The following RALYL variants were observed in gnomAD, a reference collection of about 807,000 sequenced individuals.
RALYL encodes the protein RNA-binding Raly-like protein.
In RALYL, 29 loss-of-function variants were observed where a neutral mutation model predicts 35.1. That is an observed-to-expected ratio of 0.83 (90% CI 0.61 to 1.13). The LOEUF is 1.13. Among genes scored for constraint, RALYL ranks in the 50% most tolerant of loss-of-function variants. The pLI is 0.00. For missense variants in RALYL, 359 were observed against 360.4 expected, an observed-to-expected ratio of 1.00 and a Z score of 0.03; for synonymous variants, 120 against 127.6, an observed-to-expected ratio of 0.94 and a Z score of 0.40.
At chr8:84,624,470 C>A (rs1822287251) in intron 2 of RALYL, among the ~76,000 whole-genome samples, 1 of 152,124 alleles carries the variant, frequency 6.6e-6, no homozygotes, top group Admixed American at 6.5e-5. Flanking sequence ...ATCTTCAATG[C>A]CAGCACCATT....
chr8:84,541,167 T>C (rs1300530153), intron 2 of RALYL, among the ~76,000 whole-genome samples: 3 of 152,060 alleles, frequency 2.0e-5, no homozygotes, highest in African/African-American at 7.2e-5. Context: ...GCCACTCTTT[T>C]CCTAACTTCA....
At chr8:84,623,520 A>G (rs1023512875) in intron 2 of RALYL, among the ~76,000 whole-genome samples, 11 of 152,002 alleles carry the variant, frequency 7.2e-5, no homozygotes, top group African/African-American at 2.2e-4. Flanking sequence ...AAATTTACAT[A>G]CTCTTAATAT....
intron 1 of RALYL, among the ~76,000 whole-genome samples, chr8:84,449,106 A>G (rs1437964046): frequency 4.2e-5 from 6 of 143,414 alleles, no homozygotes; most frequent in South Asian, 2.2e-4. Flanking sequence ...CTGGTGTGCT[A>G]ATTGCAAAGT....
In RALYL at chr8:84,758,187, A is replaced by T. The variant is rs1811876893; in HGVS notation, c.257-16392A>T. Among the ~76,000 whole-genome samples, 3 of 152,204 alleles carry T rather than the reference A, an allele frequency of 2.0e-5. No homozygotes were observed. The South Asian group carries it at 6.2e-4, about 31-fold the overall frequency. ...GAAATGTCAGCTTCTGTAAGTGTGC[A>T]TTCTTATGCTAAAAATATTGGGTAA... On this transcript the variant is annotated intron_variant, in intron 2 of 8. Coordinates refer to ENST00000521268, the MANE Select transcript of RALYL (RefSeq NM_173848.7).
intron 1 of RALYL, among the ~76,000 whole-genome samples, chr8:84,384,148 C>A (rs1858637466): frequency 6.6e-6 from 1 of 151,698 alleles, no homozygotes; most frequent in Non-Finnish European, 1.5e-5. Flanking sequence ...ATTACACAAT[C>A]ACTTTAAACA....
chr8:84,241,160 A>G (rs190656057), intron 1 of RALYL, among the ~76,000 whole-genome samples: 2 of 152,302 alleles, frequency 1.3e-5, no homozygotes, highest in African/African-American at 2.4e-5. Context: ...GTGCACACAC[A>G]CAAGTACCTC....
chr8:84,548,370 G>A (rs2060500002), intron 2 of RALYL, among the ~76,000 whole-genome samples: 1 of 152,028 alleles, frequency 6.6e-6, no homozygotes, highest in Non-Finnish European at 1.5e-5. Context: ...TCATGTCATT[G>A]TAGGGACTTT....
Position 84,194,464 on chromosome 8 carries a change from G to A in RALYL, c.-24+10040G>A, listed in dbSNP as rs902182459. 2.0e-5 allele frequency among the ~76,000 whole-genome samples: 3 copies of A among 152,056 alleles called. No individual in the cohort carries two copies. In the South Asian group the frequency reaches 6.2e-4, roughly 31 times the overall value. ...TGCTTACATTTGAAAAGAATTTTCAGTTACTACAGAAATAAATTCTGCAGT... is the reference window on the plus strand; with the variant it reads ...TGCTTACATTTGAAAAGAATTTTCAATTACTACAGAAATAAATTCTGCAGT... On this transcript the variant is annotated intron_variant, in intron 1 of 8. Transcript: ENST00000521268.
chr8:84,853,838 C>T (rs2042763), intron 5 of RALYL, among the ~76,000 whole-genome samples: 73,292 of 149,324 alleles, frequency 0.49, 18,711 homozygotes, highest in African/African-American at 0.67. Context: ...TTTGTGTTTT[C>T]TTTTTCTCTC....
intron 1 of RALYL, among the ~76,000 whole-genome samples, chr8:84,272,120 T>C (rs1300964868): frequency 5.9e-5 from 9 of 152,038 alleles, no homozygotes; most frequent in Non-Finnish European, 8.8e-5. Context: ...GAGATGGAGT[T>C]TCACTATTGT....
At chr8:84,259,495 C>T (rs965691756) in intron 1 of RALYL, among the ~76,000 whole-genome samples, 2 of 152,056 alleles carry the variant, frequency 1.3e-5, no homozygotes, top group African/African-American at 2.4e-5. Flanking sequence ...AGAAGTTAAG[C>T]GACTTGAACA....
chr8:84,319,474 C>T (rs1310650410), intron 1 of RALYL, among the ~76,000 whole-genome samples: 1 of 152,052 alleles, frequency 6.6e-6, no homozygotes, highest in Non-Finnish European at 1.5e-5. Context: ...AACCTTCTCT[C>T]CTATCAAAAA....
chr8:84,663,333 C>G (rs891567948), intron 2 of RALYL, among the ~76,000 whole-genome samples: 98 of 152,112 alleles, frequency 6.4e-4, no homozygotes, highest in African/African-American at 2.3e-3. Context: ...ATGTATATTC[C>G]TTTATGTATA....
intron 1 of RALYL, among the ~76,000 whole-genome samples, chr8:84,262,736 T>C (rs570120476): frequency 6.6e-6 from 1 of 152,240 alleles, no homozygotes; most frequent in African/African-American, 2.4e-5. Flanking sequence ...ATCAACTTTG[T>C]TGGTTAAACT....
chr8:84,545,790 T>C (rs1263050055), intron 2 of RALYL, among the ~76,000 whole-genome samples: 1 of 152,204 alleles, frequency 6.6e-6, no homozygotes, highest in Non-Finnish European at 1.5e-5. Context: ...TATAATGACA[T>C]ACTTTACAAG....
intron 2 of RALYL, among the ~76,000 whole-genome samples, chr8:84,675,896 G>C (rs1834093150): frequency 1.3e-5 from 2 of 152,178 alleles, no homozygotes; most frequent in Admixed American, 1.3e-4. Context: ...CAAATAAAAA[G>C]GGGGAAATAT....
intron 1 of RALYL, among the ~76,000 whole-genome samples, chr8:84,383,219 G>A (rs1858392808): frequency 6.6e-6 from 1 of 151,728 alleles, no homozygotes; most frequent in Non-Finnish European, 1.5e-5. Context: ...GTTAATACAT[G>A]TGGATCACTT....
intron 4 of RALYL, among the ~76,000 whole-genome samples, chr8:84,816,614 A>G (rs76011452): frequency 0.038 from 5,734 of 149,960 alleles, 589 homozygotes; most frequent in East Asian, 0.26. Flanking sequence ...GAAGATCTTC[A>G]AGAATACATC....
At chr8:84,825,299 C>T (rs1829425638) in intron 4 of RALYL, among the ~76,000 whole-genome samples, 1 of 151,932 alleles carries the variant, frequency 6.6e-6, no homozygotes, top group African/African-American at 2.4e-5. Context: ...AATGAAATAC[C>T]ATCTCACAGC....
Sources: gnomAD v4.1 joint callset for allele counts (sites outside exome capture counted in the v4.1 genomes callset) on GRCh38, gnomAD v4.1.1 for gene constraint, MANE v1.5 for transcripts, NCBI Gene and HGNC (gene_info 2026-07-23, HGNC 2026-07-21) for gene names.